PRH1: variants seen among roughly 807,000 people sequenced by gnomAD.
PRH1 encodes salivary acidic proline-rich phosphoprotein 1/2.
Under a neutral mutation model 7.9 loss-of-function variants are expected in PRH1, and 7 were observed. The observed-to-expected ratio is 0.89, with a 90% CI of 0.50 to 1.67. PRH1 has a LOEUF of 1.67. PRH1 is among the 40% of genes most tolerant of loss of function. The probability of loss-of-function intolerance (pLI) is 0.00; values close to 1 mark genes in which losing one functional copy is unlikely to be tolerated. For missense variants in PRH1, 109 were observed against 223.6 expected, an observed-to-expected ratio of 0.49 and a Z score of 3.27; for synonymous variants, 45 against 80.8, an observed-to-expected ratio of 0.56 and a Z score of 2.38.
intron 1 of PRH1, among the ~76,000 whole-genome samples, chr12:11,040,647 C>A (rs1942670044): frequency 6.6e-6 from 1 of 152,152 alleles, no homozygotes; most frequent in Non-Finnish European, 1.5e-5. Flanking sequence ...CACCATGGCA[C>A]ATGTATACCT....
chr12:11,075,275 G>T (rs1377941792), intron 1 of PRH1, among the ~76,000 whole-genome samples: 1 of 136,304 alleles, frequency 7.3e-6, no homozygotes, highest in Non-Finnish European at 1.6e-5. Flanking sequence ...CCATCTTTGT[G>T]TATATAGTAA....
At chr12:10,929,801 T>A (rs1950177129) in intron 2 of PRH1, among the ~76,000 whole-genome samples, 1 of 152,144 alleles carries the variant, frequency 6.6e-6, no homozygotes, top group African/African-American at 2.4e-5. Context: ...AGTTAGAGAA[T>A]CACCAGAGTG....
At chr12:11,006,667 C>T (rs2136031683) in intron 1 of PRH1, among the ~76,000 whole-genome samples, 1 of 152,106 alleles carries the variant, frequency 6.6e-6, no homozygotes, top group East Asian at 1.9e-4. Flanking sequence ...AAAATGCAGG[C>T]CTAATAACAC....
intron 1 of PRH1, among the ~76,000 whole-genome samples, chr12:11,007,123 T>A (rs1319750262): frequency 6.6e-6 from 1 of 152,120 alleles, no homozygotes; most frequent in Non-Finnish European, 1.5e-5. Context: ...ATACCTAGGA[T>A]CGTATAAATA....
chr12:10,976,633 GTT>G (rs148183795), intron 1 of PRH1, among the ~76,000 whole-genome samples: 27 of 147,128 alleles, frequency 1.8e-4, no homozygotes, highest in African/African-American at 2.5e-4. Context: ...GGGCTGAGGA[GTT>G]TTTTTTTTTT....
intron 1 of PRH1, among the ~76,000 whole-genome samples, chr12:11,132,784 G>A (rs1266792449): frequency 6.6e-6 from 1 of 152,254 alleles, no homozygotes; most frequent in East Asian, 1.9e-4. Flanking sequence ...AATTCATAAT[G>A]GAATAAAACC....
At chr12:10,895,948 A>G (rs1272339642) in intron 2 of PRH1, 1 of 152,224 alleles carries the variant, frequency 6.6e-6, no homozygotes, top group African/African-American at 2.4e-5. Context: ...GCACTGTTAT[A>G]GATTTATATA....
chr12:11,029,259 G>C lies in PRH1; in HGVS notation c.-126+17761C>G, dbSNP rs543398659. On this transcript the variant is annotated intron_variant, in intron 1 of 3. Coordinates refer to the PRH1 transcript ENST00000539853. The stretch of plus-strand genomic sequence containing the variant: ...GACTGTACATTTCTTTCTTATAATA[G>C]AACTTCCTATTAAAGAATATGTCAA... Among the ~76,000 whole-genome samples the C allele has an allele frequency of 2.6e-4, 40 of 152,366 alleles. No individual in the cohort carries two copies. In the South Asian group the frequency reaches 5.6e-3, roughly 21 times the overall value.
At position 10,986,643 on chromosome 12, in the gene PRH1, G is replaced by A. The variant is rs541748419; in HGVS notation, c.-125-12922C>T. ...TCTTAATTCTACACTATAAAAAGCT[G>A]GATTCAACACAGTTAAATACCAATT... On this transcript the variant is annotated intron_variant, in intron 1 of 3. Coordinates refer to the PRH1 transcript ENST00000539853. The A allele has an allele frequency of 3.0e-5, 49 of 1,613,044 alleles. No homozygotes were observed. In the South Asian group the frequency reaches 4.7e-4, roughly 16 times the overall value.
At chr12:10,929,351 G>A (rs1950168846) in intron 2 of PRH1, 1 of 1,614,142 alleles carries the variant, frequency 6.2e-7, no homozygotes, top group Non-Finnish European at 8.5e-7. Flanking sequence ...AGCCGAATTG[G>A]GGGAAGATAT....
intron 1 of PRH1, among the ~76,000 whole-genome samples, chr12:11,112,524 A>G (rs1945618481): frequency 6.6e-6 from 1 of 152,174 alleles, no homozygotes; most frequent in African/African-American, 2.4e-5. Context: ...AACATAATCC[A>G]TCACATAAAC....
chr12:10,932,105 T>G (rs1398708282), intron 2 of PRH1: 4 of 290,500 alleles, frequency 1.4e-5, no homozygotes, highest in Admixed American at 1.2e-4. Context: ...GGAGGGGGGC[T>G]GTAGAAGGGA....
intron 1 of PRH1, among the ~76,000 whole-genome samples, chr12:11,143,783 T>C (rs1024178987): frequency 6.6e-6 from 1 of 151,974 alleles, no homozygotes; most frequent in African/African-American, 2.4e-5. Context: ...GATATAACAA[T>C]TGTAAATATA....
chr12:10,906,090 C>G (rs1242411691), intron 2 of PRH1, among the ~76,000 whole-genome samples: 1 of 152,104 alleles, frequency 6.6e-6, no homozygotes, highest in African/African-American at 2.4e-5. Flanking sequence ...TAAGCAAACC[C>G]ATTTGGGAGG....
Position 11,040,264 on chromosome 12 carries a change from T to C in PRH1, c.-126+6756A>G, listed in dbSNP as rs563955042. Among the ~76,000 whole-genome samples the C allele has an allele frequency of 2.0e-5, 3 of 152,336 alleles. No individual in the cohort carries two copies. In the South Asian group the frequency reaches 6.2e-4, roughly 32 times the overall value. On this transcript the variant is annotated intron_variant, in intron 1 of 3. Coordinates refer to the PRH1 transcript ENST00000539853. Reference sequence around the variant, plus strand: ...TTATTTCTTTTCCATTTAAAAAGTATAATTGTTTCTAAGAGAGGATTTTGG... The same window carrying C: ...TTATTTCTTTTCCATTTAAAAAGTACAATTGTTTCTAAGAGAGGATTTTGG...
intron 1 of PRH1, among the ~76,000 whole-genome samples, chr12:11,073,530 G>C (rs560809403): frequency 6.6e-6 from 1 of 151,176 alleles, no homozygotes; most frequent in Non-Finnish European, 1.5e-5. Context: ...TGGGGTTTTG[G>C]AGTCCACAAA....
chr12:11,101,835 C>CTTCA (rs1169815236), intron 1 of PRH1, among the ~76,000 whole-genome samples: 1 of 152,136 alleles, frequency 6.6e-6, no homozygotes, highest in African/African-American at 2.4e-5. Context: ...TGATAAGCAA[C>CTTCA]TTCAGCAAAG....
intron 1 of PRH1, among the ~76,000 whole-genome samples, chr12:10,982,662 T>G (rs1022501245): frequency 6.6e-6 from 1 of 152,146 alleles, no homozygotes; most frequent in African/African-American, 2.4e-5. Flanking sequence ...TAATATTACA[T>G]AAAGTGGTAC....
intron 1 of PRH1, among the ~76,000 whole-genome samples, chr12:11,104,518 G>A (rs1247877023): frequency 1.3e-5 from 2 of 152,108 alleles, no homozygotes; most frequent in African/African-American, 4.8e-5. Flanking sequence ...TTGTAAACAT[G>A]TCAGTCTTGT....
Sources: allele counts gnomAD v4.1 joint callset (sites outside exome capture counted in the v4.1 genomes callset), GRCh38; gene constraint gnomAD v4.1.1; transcripts MANE v1.5; gene names NCBI Gene and HGNC (gene_info 2026-07-23, HGNC 2026-07-21).